CCL28: variants seen among roughly 807,000 people sequenced by gnomAD.
CCL28 encodes C-C motif chemokine 28.
In CCL28, 4 loss-of-function variants were observed where a neutral mutation model predicts 7.1. The observed-to-expected ratio is 0.56, with a 90% CI of 0.28 to 1.29. The LOEUF is 1.29. Among genes scored for constraint, CCL28 ranks in the 50% most tolerant of loss-of-function variants. The probability of loss-of-function intolerance (pLI) is 0.11; values close to 1 mark genes in which losing one functional copy is unlikely to be tolerated. For missense variants in CCL28, 151 were observed against 163.4 expected (o/e 0.92, Z 0.41); for synonymous variants, 55 against 57.8 (o/e 0.95, Z 0.22).
chr5:43,365,498 C>T, the CCL28 span, among the ~76,000 whole-genome samples: 3 of 152,102 alleles, frequency 2.0e-5, no homozygotes, highest in Admixed American at 1.3e-4. Context: ...TTTGCAGTGG[C>T]TGGTATTGTT....
At chr5:43,366,356 C>A in the CCL28 span, among the ~76,000 whole-genome samples, 1 of 152,240 alleles carries the variant, frequency 6.6e-6, no homozygotes, top group African/African-American at 2.4e-5. Context: ...TCTGTGTGGA[C>A]GTCCTTTTTG....
chr5:43,382,782 A>T (rs1236008747), intron 2 of CCL28, among the ~76,000 whole-genome samples: 1 of 152,110 alleles, frequency 6.6e-6, no homozygotes, highest in Admixed American at 6.6e-5. Flanking sequence ...TCTATGCCAC[A>T]GTTCAGAATG....
At chr5:43,375,978 T>C (rs961166611), downstream of CCL28, among the ~76,000 whole-genome samples, 3 of 152,098 alleles carry the variant, frequency 2.0e-5, no homozygotes, top group Non-Finnish European at 4.4e-5. Flanking sequence ...GAGGTTGTGG[T>C]GAGCTGAGAT....
the CCL28 span, among the ~76,000 whole-genome samples, chr5:43,364,580 A>G: frequency 1.3e-5 from 2 of 152,112 alleles, no homozygotes; most frequent in African/African-American, 4.8e-5. Context: ...AAATAATTTT[A>G]TCATAGAATG....
intron 1 of CCL28, among the ~76,000 whole-genome samples, chr5:43,403,162 G>A (rs1369914916): frequency 1.3e-5 from 2 of 152,236 alleles, no homozygotes; most frequent in African/African-American, 2.4e-5. Context: ...GAAGAGAGTA[G>A]TGGTTCTACC....
At chr5:43,407,085 C>G (rs9762957) in intron 1 of CCL28, among the ~76,000 whole-genome samples, 5,402 of 152,308 alleles carry the variant, frequency 0.035, 261 homozygotes, top group African/African-American at 0.11. Context: ...TTTATAGATT[C>G]AGTGCCATCC....
the CCL28 span, among the ~76,000 whole-genome samples, chr5:43,370,849 C>T: frequency 7.3e-3 from 1,105 of 151,340 alleles, 7 homozygotes; most frequent in Middle Eastern, 0.034. Flanking sequence ...TCAAGCTATT[C>T]CCTTGCCTCA....
the CCL28 span, among the ~76,000 whole-genome samples, chr5:43,370,071 C>G: frequency 6.6e-6 from 1 of 152,184 alleles, no homozygotes; most frequent in African/African-American, 2.4e-5. Flanking sequence ...GGGAGTGCAG[C>G]CATCTTGGAC....
intron 2 of CCL28, among the ~76,000 whole-genome samples, chr5:43,382,449 C>T (rs1740156706): frequency 6.6e-6 from 1 of 152,166 alleles, no homozygotes; most frequent in Non-Finnish European, 1.5e-5. Flanking sequence ...CAAACACATC[C>T]TTAAGGTTTG....
intron 1 of CCL28, among the ~76,000 whole-genome samples, chr5:43,408,011 G>A (rs1424621247): frequency 6.6e-6 from 1 of 152,200 alleles, no homozygotes; most frequent in Non-Finnish European, 1.5e-5. Flanking sequence ...AGAGGATGTG[G>A]AGAAATAGGA....
the CCL28 span, among the ~76,000 whole-genome samples, chr5:43,366,730 C>T: frequency 6.6e-6 from 1 of 152,252 alleles, no homozygotes; most frequent in East Asian, 1.9e-4. Context: ...TCTAAGTCTG[C>T]TGAAGCTGCA....
chr5:43,364,996 T>C, the CCL28 span, among the ~76,000 whole-genome samples: 9,176 of 145,444 alleles, frequency 0.063, 677 homozygotes, highest in African/African-American at 0.18. Flanking sequence ...CACTGATGGG[T>C]CTTGACTCTT....
At chr5:43,368,292 T>C in the CCL28 span, among the ~76,000 whole-genome samples, 11 of 152,224 alleles carry the variant, frequency 7.2e-5, no homozygotes, top group Non-Finnish European at 1.0e-4. Context: ...TTGCAAACTA[T>C]AATGTATCTG....
chr5:43,393,520 A>T (rs747676475), intron 1 of CCL28, among the ~76,000 whole-genome samples: 4 of 151,924 alleles, frequency 2.6e-5, no homozygotes, highest in Non-Finnish European at 5.9e-5. Flanking sequence ...ATGCCCAGCT[A>T]ATTTTTGTAT....
chr5:43,391,401 C>T (rs149681204), intron 1 of CCL28, among the ~76,000 whole-genome samples: 14 of 152,236 alleles, frequency 9.2e-5, no homozygotes, highest in Admixed American at 2.6e-4. Flanking sequence ...ACCAATAACA[C>T]GAGTTCAGTA....
At chr5:43,368,494 G>A in the CCL28 span, among the ~76,000 whole-genome samples, 1 of 152,184 alleles carries the variant, frequency 6.6e-6, no homozygotes, top group Admixed American at 6.5e-5. Context: ...TGCAACCTCT[G>A]AGTCATGTAC....
chr5:43,388,516 T>C lies in CCL28; in HGVS notation c.65-40A>G, dbSNP rs368828648. 55 of 1,596,580 alleles carry C rather than the reference T, an allele frequency of 3.4e-5. No homozygotes were observed. The African/African-American group carries it at 6.7e-4, about 20-fold the overall frequency. ...GAAAGAAAATGTTAAATTTTACGGTTTATAGAACACTGGCATGGTTCTCAT... is the reference window on the plus strand; with the variant it reads ...GAAAGAAAATGTTAAATTTTACGGTCTATAGAACACTGGCATGGTTCTCAT... On this transcript the variant is annotated intron_variant, in intron 1 of 2. Coordinates refer to ENST00000361115, the MANE Select transcript of CCL28 (RefSeq NM_148672.3).
intron 1 of CCL28, among the ~76,000 whole-genome samples, chr5:43,404,171 C>A (rs925699845): frequency 2.0e-5 from 3 of 152,196 alleles, no homozygotes; most frequent in Non-Finnish European, 4.4e-5. Flanking sequence ...CCACAAAATA[C>A]TCCTCAAGAA....
In CCL28 at chr5:43,409,294, T is replaced by C. The variant is rs577911554; in HGVS notation, c.64+2959A>G. On this transcript the variant is annotated intron_variant, in intron 1 of 2. Transcript: ENST00000361115. Reference sequence around the variant, plus strand: ...TACAAAAATTAGCTGGGTGTGGTGGTGCACGCTTCTAATCCCAGCTACTCA... The same window carrying C: ...TACAAAAATTAGCTGGGTGTGGTGGCGCACGCTTCTAATCCCAGCTACTCA... Among the ~76,000 whole-genome samples, 7 of 152,098 alleles carry C rather than the reference T, an allele frequency of 4.6e-5. No homozygotes were observed. The South Asian group carries it at 1.5e-3, about 32-fold the overall frequency.
Sources: allele counts gnomAD v4.1 joint callset (sites outside exome capture counted in the v4.1 genomes callset), GRCh38; gene constraint gnomAD v4.1.1; transcripts MANE v1.5; gene names NCBI Gene and HGNC (gene_info 2026-07-23, HGNC 2026-07-21).